The following MYT1 variants were observed in gnomAD, a reference collection of about 807,000 sequenced individuals.
The protein encoded by MYT1 is myelin transcription factor 1.
In MYT1, 23 loss-of-function variants were observed where a neutral mutation model predicts 123.0. The observed-to-expected ratio is 0.19, with a 90% confidence interval of 0.13 to 0.26. The LOEUF (loss-of-function observed/expected upper bound fraction) is 0.26. Among genes scored for constraint, MYT1 ranks in the 10% least tolerant of loss-of-function variants. The probability of loss-of-function intolerance (pLI) is 1.00; values close to 1 mark genes in which losing one functional copy is unlikely to be tolerated. For synonymous variants in MYT1, 518 were observed against 575.3 expected, an observed-to-expected ratio of 0.90 and a Z score of 1.43; for missense variants, 1,125 against 1,472.5, an observed-to-expected ratio of 0.76 and a Z score of 3.86.
Position 64,208,201 on chromosome 20 carries a change from T to C in MYT1, c.1005T>C (p.Ser335=), listed in dbSNP as rs141675147. The C allele has an allele frequency of 2.6e-4, 420 of 1,613,900 alleles. No homozygotes were observed. Among genetic ancestry groups the C allele is most frequent in the Non-Finnish European group, 3.4e-4 (398 of 1,180,014 alleles). ...AGCTCCGGGGCCCAGAATCACCCAG[T>C]CCCAAGCCTGAGTACTCTGTTATTG... ...APELRGPESP[S]PKPEYSVIVE... is the part of the protein sequence containing the mutation. The change falls in exon 7 of 23, where the codon AGT becomes AGC. Residue 335 remains serine, a synonymous_variant. Coordinates refer to ENST00000328439, the MANE Select transcript of MYT1 (RefSeq NM_004535.3). This position sits in a 1 kb window ranked among gnomAD's most constrained non-coding sequence, Gnocchi z 5.4.
In MYT1 at chr20:64,217,299, G is replaced by A. The variant is rs761360682; in HGVS notation, c.1846+18G>A. Reference sequence around the variant, plus strand: ...CTTTCAATGTAAGTTGGGGAGAATTGTTCTTGTTTCTCTTCTGTGTTGCTC... The same window carrying A: ...CTTTCAATGTAAGTTGGGGAGAATTATTCTTGTTTCTCTTCTGTGTTGCTC... On this transcript the variant is annotated intron_variant, in intron 11 of 22. Transcript: ENST00000328439. The A allele has an allele frequency of 5.0e-6, 8 of 1,613,144 alleles. No individual in the cohort carries two copies. In the Admixed American group the frequency reaches 1.2e-4, roughly 24 times the overall value.
At chr20:64,240,056 G>C (rs867681998) in intron 22 of MYT1, among the ~76,000 whole-genome samples, 153 bp downstream of exon 22, 13 of 152,322 alleles carry the variant, frequency 8.5e-5, no homozygotes, top group Middle Eastern at 3.4e-3. Flanking sequence ...CGAATGGCCC[G>C]GGCTGTTGGC....
chr20:64,205,528 T>G (rs770037995), intron 5 of MYT1, 25 bp from the exon 6 acceptor site: 2 of 1,612,214 alleles, frequency 1.2e-6, no homozygotes, highest in Non-Finnish European at 1.7e-6. Flanking sequence ...CCTGGTCCTC[T>G]CCACTGCCTA....
intron 1 of MYT1, among the ~76,000 whole-genome samples, chr20:64,187,817 A>G (rs996387226): frequency 2.0e-5 from 3 of 152,338 alleles, no homozygotes; most frequent in Non-Finnish European, 1.5e-5. Flanking sequence ...GGCCCTTGTA[A>G]AGGAGGGTCT....
intron 10 of MYT1, among the ~76,000 whole-genome samples, chr20:64,214,130 G>A (rs1010751285): frequency 1.3e-5 from 2 of 152,242 alleles, no homozygotes; most frequent in African/African-American, 4.8e-5. Flanking sequence ...CCAAGTCAAG[G>A]AAGAGGGTGG....
intron 1 of MYT1, among the ~76,000 whole-genome samples, chr20:64,183,844 A>G (rs1246289858): frequency 6.6e-6 from 1 of 152,172 alleles, no homozygotes; most frequent in Non-Finnish European, 1.5e-5. Context: ...TTTTTGAGAC[A>G]GAGTCTTGCT....
rs1171738690 is a variant in MYT1 at position 64,190,481 on chromosome 20, C to G, written c.-1+321C>G. ...TTGAGGTCAAGAGTTCAAGACCAGC[C>G]TGGCCAACATGGTGAAACCCCGTCT... is the stretch of plus-strand genomic sequence containing the variant. On this transcript the variant is annotated intron_variant, in intron 2 of 22. Transcript: ENST00000328439. This position sits in a 1 kb window ranked among gnomAD's most constrained non-coding sequence, Gnocchi z 4.1. Among the ~76,000 whole-genome samples, 1 of 151,860 alleles carries G rather than the reference C, an allele frequency of 6.6e-6. No individual in the cohort carries two copies. The highest frequency in any genetic ancestry group is 1.5e-5 in the Non-Finnish European group (1 of 67,974).
At position 64,242,058 on chromosome 20, in the gene MYT1, G is replaced by A. The variant is rs1401942694; in HGVS notation, c.*1610G>A. 6.6e-6 allele frequency: 1 copy of A among 152,556 alleles called. No individual in the cohort carries two copies. Among genetic ancestry groups the A allele is most frequent in the Non-Finnish European group, 1.5e-5 (1 of 68,048 alleles). 9.5% of individuals were successfully genotyped at this position (152,556 alleles called of 1,614,324 possible). A position where few individuals can be genotyped will look rare whatever the true frequency, so the allele number is the denominator to read the frequency against. ...TCGCGTTTGCGTGTCGGCTCTTGCGGTGGAGTCCTGTTGCTGTGAGGGAGT... is the reference window on the plus strand; with the variant it reads ...TCGCGTTTGCGTGTCGGCTCTTGCGATGGAGTCCTGTTGCTGTGAGGGAGT... On this transcript the variant is annotated 3_prime_UTR_variant, in exon 23 of 23. Coordinates refer to ENST00000328439, the MANE Select transcript of MYT1 (RefSeq NM_004535.3).
At chr20:64,195,396 G>GTGTGTA (rs1250599696) in intron 2 of MYT1, among the ~76,000 whole-genome samples, 27 of 32,986 alleles carry the variant, frequency 8.2e-4, no homozygotes, top group African/African-American at 2.1e-3. Context: ...GTGTGTGTGT[G>GTGTGTA]TATACTTTTT....
chr20:64,170,868 TATATATATATATATATAG>T (rs1982237124), intron 1 of MYT1, among the ~76,000 whole-genome samples: 1 of 59,620 alleles, frequency 1.7e-5, no homozygotes, highest in Non-Finnish European at 3.0e-5. Context: ...TATATATATA[TATATATATATATATATAG>T]AGAGAGAGAG....
At position 64,240,644 on chromosome 20, in the gene MYT1, CCTAT is replaced by C; in HGVS notation, c.*199_*202del. ...CCTCCAGGCTTGGGGCCGTGGTGGC[CCTAT>C]CTGTGTGCATAGGGGCACTGAAGAA... On this transcript the variant is annotated 3_prime_UTR_variant, in exon 23 of 23. Transcript: ENST00000328439. 1.5e-6 allele frequency: 1 copy of C among 657,130 alleles called. No homozygotes were observed. Among genetic ancestry groups the C allele is most frequent in the South Asian group, 2.3e-5 (1 of 44,100 alleles). The allele number at this position is 657,130 out of a possible 1,614,324, so 40.7% of individuals were successfully genotyped here. A position where few individuals can be genotyped will look rare whatever the true frequency, so the allele number is the denominator to read the frequency against.
intron 1 of MYT1, among the ~76,000 whole-genome samples, chr20:64,172,427 G>T (rs413116): frequency 3.3e-5 from 5 of 152,172 alleles, no homozygotes; most frequent in Admixed American, 1.3e-4. Flanking sequence ...TTCTGAACTG[G>T]GGATGAGCCA....
At chr20:64,177,855 G>C (rs938887035) in intron 1 of MYT1, among the ~76,000 whole-genome samples, 1 of 152,202 alleles carries the variant, frequency 6.6e-6, no homozygotes, top group African/African-American at 2.4e-5. Flanking sequence ...TTCCAAGCTT[G>C]TCAGACTTTC....
intron 4 of MYT1, among the ~76,000 whole-genome samples, chr20:64,200,823 G>A (rs1175160964): frequency 1.3e-5 from 2 of 152,216 alleles, no homozygotes; most frequent in African/African-American, 4.8e-5. Flanking sequence ...ACAGGTGGGA[G>A]GGGTGGGGTG....
At chr20:64,235,833 T>C (rs112021215) in intron 19 of MYT1, among the ~76,000 whole-genome samples, 2,675 of 29,168 alleles carry the variant, frequency 0.092, 330 homozygotes, top group Middle Eastern at 0.25. Context: ...CTGGGCTGGC[T>C]GTGGTGGGTG....
At chr20:64,176,658 G>A (rs1327812170) in intron 1 of MYT1, among the ~76,000 whole-genome samples, 1 of 152,270 alleles carries the variant, frequency 6.6e-6, no homozygotes, top group Non-Finnish European at 1.5e-5. Context: ...GAAAAGCTGT[G>A]TGTGTCTGCG....
intron 5 of MYT1, among the ~76,000 whole-genome samples, chr20:64,205,309 C>A (rs1035971482): frequency 7.1e-6 from 1 of 140,452 alleles, no homozygotes; most frequent in Non-Finnish European, 1.6e-5. Flanking sequence ...TGACCTCCCG[C>A]GAGGCAGCGA....
rs1185638548 is a variant in MYT1 at position 64,212,029 on chromosome 20, A to AC, written c.1427-14dup. The AC allele has an allele frequency of 4.4e-6, 7 of 1,605,878 alleles. No homozygotes were observed. Among genetic ancestry groups the AC allele is most frequent in the Admixed American group, 1.7e-5 (1 of 59,934 alleles). On this transcript the variant is annotated intron_variant, in intron 8 of 22. Transcript: ENST00000328439. The surrounding 1 kb of genome is among the most constrained non-coding windows in gnomAD (Gnocchi z 6.8). ...TTCTCTGACAGCCTCGGCTCCCTCCACCCCCTGTTCTCTTACAGTCTTAGC... is the reference window on the plus strand; with the variant it reads ...TTCTCTGACAGCCTCGGCTCCCTCCACCCCCCTGTTCTCTTACAGTCTTAGC...
intron 2 of MYT1, among the ~76,000 whole-genome samples, chr20:64,198,051 C>T (rs936598854): frequency 1.3e-5 from 2 of 151,930 alleles, no homozygotes; most frequent in Admixed American, 6.5e-5. Context: ...TTTGGGAGGC[C>T]GAGACGGGCG....
Sources: allele counts gnomAD v4.1 joint callset (sites outside exome capture counted in the v4.1 genomes callset), GRCh38; gene constraint gnomAD v4.1.1; non-coding constraint Gnocchi (gnomAD v3.1); transcripts MANE v1.5; gene names NCBI Gene and HGNC (gene_info 2026-07-23, HGNC 2026-07-21).